Variants in ZCCHC14 observed in about 807,000 individuals in gnomAD.
ZCCHC14 encodes the protein zinc finger CCHC-type containing 14, also known as zinc finger CCHC domain-containing protein 14.
A neutral mutation model predicts 85.0 loss-of-function variants in ZCCHC14; 16 were observed. That is an observed-to-expected ratio of 0.19 (90% CI 0.13 to 0.29). The LOEUF (loss-of-function observed/expected upper bound fraction) is 0.29. Ranked by LOEUF, ZCCHC14 falls within the 10% of genes least tolerant of loss-of-function variation. ZCCHC14 has a pLI of 1.00. For missense variants in ZCCHC14, 1,303 were observed against 1,443.5 expected (o/e 0.90, Z 1.58); for synonymous variants, 775 against 630.7 (o/e 1.23, Z -3.43).
chr16:87,412,028 G>A lies in ZCCHC14; in HGVS notation c.2693C>T (p.Pro898Leu), dbSNP rs780791021. The change falls in exon 12 of 13, where the codon CCG becomes CTG. Residue 898 changes from proline (P) to leucine (L), a missense_variant. Around this residue, in one of 7 missense-constraint regions of ZCCHC14, gnomAD observed 797 missense variants for 730.8 expected, o/e 1.09. Coordinates refer to ENST00000671377, the MANE Select transcript of ZCCHC14 (RefSeq NM_015144.3). Reference sequence around the variant, plus strand: ...ATGGTGGTGGTGGTGGTGGTGGTTCGGATTCGAGGCAGGAATGTTTCCTGT... The same window carrying A: ...ATGGTGGTGGTGGTGGTGGTGGTTCAGATTCGAGGCAGGAATGTTTCCTGT... ...GSTGNIPASN[P>L]NHHHHHHHQQ... 5.8e-5 allele frequency: 94 copies of A among 1,608,970 alleles called. No individual in the cohort carries two copies. Among genetic ancestry groups the A allele is most frequent in the Middle Eastern group, 1.7e-4 (1 of 5,896 alleles).
intron 3 of ZCCHC14, among the ~76,000 whole-genome samples, chr16:87,430,524 CTTT>C (rs142361433): frequency 3.5e-5 from 5 of 143,202 alleles, no homozygotes; most frequent in Non-Finnish European, 1.5e-5. Context: ...TGATTTCTTT[CTTT>C]TTTTTTTTTT....
chr16:87,455,812 T>A (rs999190523), intron 2 of ZCCHC14, among the ~76,000 whole-genome samples: 10 of 152,230 alleles, frequency 6.6e-5, no homozygotes, highest in African/African-American at 2.4e-4. Context: ...TTTTCCACTT[T>A]CAGTACAGAC....
In ZCCHC14 at chr16:87,492,068, G is replaced by A. The variant is rs1912795129; in HGVS notation, c.171C>T (p.His57=). ...CLEDLARKDY[H]SLRDSEIKAN... The stretch of plus-strand genomic sequence containing the variant: ...CCTTGATCTCCGAGTCGCGCAGCGA[G>A]TGGTAGTCCTTGCGGGCCAGGTCCT... Residue 57 remains histidine (H), a synonymous_variant, in exon 1 of 13, where the codon CAC becomes CAT. Transcript: ENST00000671377. This position sits in a 1 kb window ranked among gnomAD's most constrained non-coding sequence, Gnocchi z 6.7. 7.1e-7 allele frequency: 1 copy of A among 1,400,624 alleles called. No individual in the cohort carries two copies. The highest frequency in any genetic ancestry group is 1.5e-5 in the African/African-American group (1 of 65,710). The allele number at this position is 1,400,624 out of a possible 1,614,324, so 86.8% of individuals were successfully genotyped here.
intron 8 of ZCCHC14, among the ~76,000 whole-genome samples, chr16:87,416,174 C>T (rs1222948366): frequency 1.3e-5 from 2 of 152,020 alleles, no homozygotes; most frequent in Non-Finnish European, 2.9e-5. Flanking sequence ...GATCCACCTG[C>T]CTCGGCCTCC....
chr16:87,407,027 A>T lies in ZCCHC14; in HGVS notation c.*3253T>A, dbSNP rs1220754533. 6.6e-6 allele frequency: 1 copy of T among 152,276 alleles called. No homozygotes were observed. The highest frequency in any genetic ancestry group is 2.4e-5 in the African/African-American group (1 of 41,468). The allele number at this position is 152,276 out of a possible 1,614,324, so 9.4% of individuals were successfully genotyped here. On this transcript the variant is annotated 3_prime_UTR_variant, in exon 13 of 13. Transcript: ENST00000671377. Reference sequence around the variant, plus strand: ...ATAAAATAAAACACTGGGAAGCAGGAAGAGTGACAAGAAAATGACAGGGAG... The same window carrying T: ...ATAAAATAAAACACTGGGAAGCAGGTAGAGTGACAAGAAAATGACAGGGAG...
At chr16:87,444,372 A>T (rs1910332527) in intron 2 of ZCCHC14, among the ~76,000 whole-genome samples, 1 of 152,232 alleles carries the variant, frequency 6.6e-6, no homozygotes, top group Non-Finnish European at 1.5e-5. Context: ...TACAGCTTCA[A>T]CATCAGAGTA....
intron 4 of ZCCHC14, among the ~76,000 whole-genome samples, chr16:87,422,897 C>T (rs957911280): frequency 7.1e-6 from 1 of 140,934 alleles, no homozygotes; most frequent in East Asian, 2.0e-4. Flanking sequence ...GAGGGAAAAG[C>T]AGATTCCCGG....
At chr16:87,450,943 A>G (rs1405458947) in intron 2 of ZCCHC14, among the ~76,000 whole-genome samples, 3 of 151,574 alleles carry the variant, frequency 2.0e-5, no homozygotes, top group South Asian at 4.2e-4. Flanking sequence ...TTGTTGCCCA[A>G]GCTGGAGCGT....
At chr16:87,433,980 C>T (rs992449733) in intron 2 of ZCCHC14, among the ~76,000 whole-genome samples, 6 of 152,084 alleles carry the variant, frequency 3.9e-5, no homozygotes, top group East Asian at 3.9e-4. Flanking sequence ...TCCTTCTCTG[C>T]GAGGGCAAGG....
At chr16:87,417,335 C>T in intron 8 of ZCCHC14, 125 bp downstream of exon 8, 2 of 1,399,996 alleles carry the variant, frequency 1.4e-6, no homozygotes, top group Non-Finnish European at 1.9e-6. Flanking sequence ...CCCTTAAGAA[C>T]AGGCGCTGCG....
chr16:87,451,462 T>G (rs1186624695), intron 2 of ZCCHC14, among the ~76,000 whole-genome samples: 1 of 151,974 alleles, frequency 6.6e-6, no homozygotes, highest in Non-Finnish European at 1.5e-5. Context: ...CCTCCCAAAG[T>G]GCTGGGATTA....
intron 3 of ZCCHC14, among the ~76,000 whole-genome samples, chr16:87,427,166 C>T (rs553682247): frequency 6.8e-4 from 103 of 152,360 alleles, no homozygotes; most frequent in African/African-American, 2.3e-3. Flanking sequence ...AGAATCTCCA[C>T]TCAGCTCTGC....
chr16:87,482,865 G>C (rs774362077), intron 1 of ZCCHC14, among the ~76,000 whole-genome samples: 9 of 152,076 alleles, frequency 5.9e-5, no homozygotes, highest in Non-Finnish European at 7.4e-5. Flanking sequence ...AATGACACAA[G>C]TTCCATACCA....
chr16:87,466,240 C>T (rs1911514769), intron 1 of ZCCHC14, among the ~76,000 whole-genome samples: 1 of 152,206 alleles, frequency 6.6e-6, no homozygotes, highest in African/African-American at 2.4e-5. Flanking sequence ...TGTTCACGGA[C>T]CTGACCATAA....
chr16:87,406,975 GTCA>G lies in ZCCHC14; in HGVS notation c.*3302_*3304del, dbSNP rs1192134651. 6.6e-6 allele frequency: 1 copy of G among 152,190 alleles called. No homozygotes were observed. The highest frequency in any genetic ancestry group is 2.4e-5 in the African/African-American group (1 of 41,424). The allele number at this position is 152,190 out of a possible 1,614,324, so 9.4% of individuals were successfully genotyped here. On this transcript the variant is annotated 3_prime_UTR_variant, in exon 13 of 13. Coordinates refer to ENST00000671377, the MANE Select transcript of ZCCHC14 (RefSeq NM_015144.3). The stretch of plus-strand genomic sequence containing the variant: ...TTCCTCACAACCTTGAAGACCATCA[GTCA>G]TCATGATGTACAACGAGCAAGGCAT...
intron 3 of ZCCHC14, among the ~76,000 whole-genome samples, chr16:87,425,367 A>C (rs542550019): frequency 2.0e-5 from 3 of 152,140 alleles, no homozygotes; most frequent in African/African-American, 2.4e-5. Context: ...ACCTGAGGTC[A>C]GGAGTTCAAG....
At chr16:87,482,589 G>A (rs550422927) in intron 1 of ZCCHC14, among the ~76,000 whole-genome samples, 1 of 152,134 alleles carries the variant, frequency 6.6e-6, no homozygotes, top group Non-Finnish European at 1.5e-5. Context: ...CGAACGAGAG[G>A]TAAGAAACAA....
At chr16:87,448,724 C>T (rs7200800) in intron 2 of ZCCHC14, among the ~76,000 whole-genome samples, 96,646 of 152,034 alleles carry the variant, frequency 0.64, 31,406 homozygotes, top group South Asian at 0.73. Flanking sequence ...TGCAATATCC[C>T]CTCAGCCTCC....
chr16:87,445,388 G>A (rs78681694), intron 2 of ZCCHC14, among the ~76,000 whole-genome samples: 5 of 152,190 alleles, frequency 3.3e-5, no homozygotes, highest in East Asian at 1.9e-4. Flanking sequence ...TTTTAAAGAC[G>A]CAGATCTATT....
Sources: allele counts gnomAD v4.1 joint callset (sites outside exome capture counted in the v4.1 genomes callset), GRCh38; gene constraint gnomAD v4.1.1; regional missense constraint gnomAD v4.1.1; non-coding constraint Gnocchi (gnomAD v3.1); transcripts MANE v1.5; gene names NCBI Gene and HGNC (gene_info 2026-07-23, HGNC 2026-07-21).